ROBO1: variants seen among roughly 807,000 people sequenced by gnomAD.
ROBO1 encodes roundabout homolog 1.
ROBO1 carries 149 observed loss-of-function variants against 195.9 expected under a neutral mutation model. That is an observed-to-expected ratio of 0.76 (90% CI 0.67 to 0.87). ROBO1 has a LOEUF of 0.87. ROBO1 is among the 40% of genes least tolerant of loss of function. The pLI, the probability that ROBO1 is intolerant of heterozygous loss-of-function variation, is 0.00. For synonymous variants in ROBO1, 816 were observed against 733.2 expected, an observed-to-expected ratio of 1.11 and a Z score of -1.82; for missense variants, 1,933 against 2,068.3, an observed-to-expected ratio of 0.93 and a Z score of 1.27.
chr3:79,319,362 A>G (rs2033877784), intron 2 of ROBO1, among the ~76,000 whole-genome samples: 1 of 152,170 alleles, frequency 6.6e-6, no homozygotes, highest in Non-Finnish European at 1.5e-5. Context: ...GATCAATATT[A>G]TGAATAATAT....
chr3:78,970,609 T>C (rs2076741900), intron 3 of ROBO1, among the ~76,000 whole-genome samples: 1 of 152,188 alleles, frequency 6.6e-6, no homozygotes, highest in Non-Finnish European at 1.5e-5. Flanking sequence ...CCAGGGATTT[T>C]AATATTAAAA....
rs533662446 is a variant in ROBO1 at position 79,611,743 on chromosome 3, G to T, written c.-50-21782C>A. 5.3e-5 allele frequency among the ~76,000 whole-genome samples: 8 copies of T among 152,154 alleles called. No individual in the cohort carries two copies. The East Asian group carries it at 7.8e-4, about 15-fold the overall frequency. ...CACATACTGGGCCTTGTCAGGGAGT[G>T]GGGGGACTAAGGGAGAGATAGCATT... On this transcript the variant is annotated intron_variant, in intron 1 of 30. Coordinates refer to ENST00000464233, the MANE Select transcript of ROBO1 (RefSeq NM_002941.4).
intron 5 of ROBO1, among the ~76,000 whole-genome samples, chr3:78,736,792 T>C (rs981895582): frequency 1.3e-5 from 2 of 152,194 alleles, no homozygotes. Context: ...TGTAAAATGC[T>C]TGGCTTTCTT....
chr3:79,115,233 A>G (rs536194132), intron 3 of ROBO1, among the ~76,000 whole-genome samples: 13 of 152,312 alleles, frequency 8.5e-5, no homozygotes, highest in African/African-American at 2.9e-4. Flanking sequence ...GTAGTTACTA[A>G]GAACACAAAA....
At chr3:78,747,308 A>G (rs1213165559) in intron 4 of ROBO1, among the ~76,000 whole-genome samples, 1 of 152,194 alleles carries the variant, frequency 6.6e-6, no homozygotes, top group East Asian at 1.9e-4. Context: ...TGAATTACAT[A>G]TACATGCAAA....
chr3:78,614,661 T>C lies in ROBO1; in HGVS notation c.4422A>G (p.Glu1474=). 1 of 1,613,700 alleles carries C rather than the reference T, an allele frequency of 6.2e-7. No individual in the cohort carries two copies. The highest frequency in any genetic ancestry group is 8.5e-7 in the Non-Finnish European group (1 of 1,179,772). The change falls in exon 28 of 31, where the codon GAA becomes GAG. Residue 1474 remains glutamate (E), a synonymous_variant. Coordinates refer to ENST00000464233, the MANE Select transcript of ROBO1 (RefSeq NM_002941.4). ...LKHQPGHLRR[E]TYTDDLPPPP... Reference sequence around the variant, plus strand: ...CAATGGACTCACCATCTGTGTAGGTTTCTCTGCGCAGATGTCCTGGCTGGT... The same window carrying C: ...CAATGGACTCACCATCTGTGTAGGTCTCTCTGCGCAGATGTCCTGGCTGGT...
intron 2 of ROBO1, among the ~76,000 whole-genome samples, chr3:79,413,806 G>A (rs1006904695): frequency 3.3e-5 from 5 of 152,002 alleles, no homozygotes; most frequent in Non-Finnish European, 7.4e-5. Flanking sequence ...CATGTATAAA[G>A]AATTTTTTAT....
chr3:79,384,018 T>TC (rs1264539309), intron 2 of ROBO1, among the ~76,000 whole-genome samples: 2 of 152,048 alleles, frequency 1.3e-5, no homozygotes, highest in African/African-American at 4.8e-5. Context: ...CACTTTTTTT[T>TC]CCTAACAGAT....
chr3:79,515,076 C>T (rs759818213), intron 2 of ROBO1, among the ~76,000 whole-genome samples: 15 of 152,064 alleles, frequency 9.9e-5, no homozygotes, highest in Non-Finnish European at 1.5e-4. Flanking sequence ...TAAAATTCTC[C>T]GAGCCTTGTT....
intron 2 of ROBO1, among the ~76,000 whole-genome samples, chr3:79,365,157 C>T (rs2035922497): frequency 6.6e-6 from 1 of 152,162 alleles, no homozygotes; most frequent in Non-Finnish European, 1.5e-5. Flanking sequence ...TCCCTCTATG[C>T]TTTACTCCTT....
chr3:79,203,556 G>A (rs948446825), intron 2 of ROBO1, among the ~76,000 whole-genome samples: 5 of 152,144 alleles, frequency 3.3e-5, no homozygotes, highest in African/African-American at 1.2e-4. Context: ...CTGAACTTAG[G>A]TTAATGTTCC....
rs1048349040 is a variant in ROBO1 at position 78,980,647 on chromosome 3, A to C, written c.173-41720T>G. Among the ~76,000 whole-genome samples, 7 of 152,246 alleles carry C rather than the reference A, an allele frequency of 4.6e-5. No homozygotes were observed. The East Asian group carries it at 1.4e-3, about 29-fold the overall frequency. On this transcript the variant is annotated intron_variant, in intron 3 of 30. Coordinates refer to ENST00000464233, the MANE Select transcript of ROBO1 (RefSeq NM_002941.4). ...AACTACTAGTGTTTGTAGCATAGGA[A>C]ACTGGTTGAAAGATCTTCAGTTAAA...
chr3:79,759,311 T>A (rs1178413604), intron 1 of ROBO1, among the ~76,000 whole-genome samples: 2 of 152,204 alleles, frequency 1.3e-5, no homozygotes, highest in Non-Finnish European at 2.9e-5. Context: ...ATTAATATTT[T>A]TGAGTGCTTA....
intron 4 of ROBO1, among the ~76,000 whole-genome samples, chr3:78,836,340 G>A (rs184222479): frequency 6.4e-4 from 97 of 151,790 alleles, no homozygotes; most frequent in African/African-American, 1.9e-3. Context: ...GTGAAACCCC[G>A]TCTCCACTAA....
intron 2 of ROBO1, among the ~76,000 whole-genome samples, chr3:79,216,489 A>G (rs2082057328): frequency 6.6e-6 from 1 of 152,140 alleles, no homozygotes; most frequent in Admixed American, 6.6e-5. Flanking sequence ...TTACTTTACT[A>G]TAGGACTATT....
intron 2 of ROBO1, among the ~76,000 whole-genome samples, chr3:79,190,141 T>C (rs559526049): frequency 5.9e-5 from 9 of 151,778 alleles, no homozygotes; most frequent in Admixed American, 2.6e-4. Flanking sequence ...AATAATTATA[T>C]AATATATTTT....
At chr3:79,713,283 T>C (rs542587923) in intron 1 of ROBO1, among the ~76,000 whole-genome samples, 2 of 152,182 alleles carry the variant, frequency 1.3e-5, no homozygotes, top group South Asian at 4.1e-4. Flanking sequence ...CAAATCTTAT[T>C]ATTTGAGAGA....
At chr3:79,582,883 C>T (rs544821581) in intron 2 of ROBO1, among the ~76,000 whole-genome samples, 1 of 152,120 alleles carries the variant, frequency 6.6e-6, no homozygotes, top group South Asian at 2.1e-4. Flanking sequence ...CTACTCACCC[C>T]TTTTCAACCT....
chr3:79,707,259 T>C (rs775006606), intron 1 of ROBO1, among the ~76,000 whole-genome samples: 1 of 152,172 alleles, frequency 6.6e-6, no homozygotes, highest in Non-Finnish European at 1.5e-5. Flanking sequence ...GTCCATCTCA[T>C]CTGGGTTACC....
Sources: gnomAD v4.1 joint callset for allele counts (sites outside exome capture counted in the v4.1 genomes callset) on GRCh38, gnomAD v4.1.1 for gene constraint, MANE v1.5 for transcripts, NCBI Gene and HGNC (gene_info 2026-07-23, HGNC 2026-07-21) for gene names.